The following CYTIP variants were observed in gnomAD, a reference collection of about 807,000 sequenced individuals.
CYTIP encodes cytohesin-interacting protein.
A neutral mutation model predicts 43.8 loss-of-function variants in CYTIP; 26 were observed. That is an observed-to-expected ratio of 0.59 (90% confidence interval 0.44 to 0.82). CYTIP has a LOEUF of 0.82. Among genes scored for constraint, CYTIP ranks in the 40% least tolerant of loss-of-function variants. The pLI is 0.00. For synonymous variants in CYTIP, 162 were observed against 162.9 expected (o/e 0.99, Z 0.04); for missense variants, 426 against 443.1 (o/e 0.96, Z 0.35).
intron 3 of CYTIP, among the ~76,000 whole-genome samples, chr2:157,431,630 A>G (rs905716653): frequency 2.0e-5 from 3 of 152,186 alleles, no homozygotes; most frequent in African/African-American, 7.2e-5. Flanking sequence ...TTTTAATTAT[A>G]CCAAAACACT....
intron 1 of CYTIP, 102 bp from the exon 2 acceptor site, chr2:157,434,849 T>TCTCTCTCTCA (rs1256043480): frequency 2.3e-4 from 11 of 48,670 alleles, no homozygotes; most frequent in South Asian, 5.0e-4. Flanking sequence ...TCTCTCTCTC[T>TCTCTCTCTCA]CACACACACA....
At chr2:157,423,209 T>G (rs1401488175) in intron 6 of CYTIP, among the ~76,000 whole-genome samples, 1 of 151,676 alleles carries the variant, frequency 6.6e-6, no homozygotes. Flanking sequence ...AAGAATATCT[T>G]AAAGCAACCA....
chr2:157,421,513 T>G (rs1685521237), intron 6 of CYTIP, among the ~76,000 whole-genome samples: 2 of 152,222 alleles, frequency 1.3e-5, no homozygotes, highest in South Asian at 4.1e-4. Flanking sequence ...GAATATTCAA[T>G]GTAACAAAAT....
At position 157,434,833 on chromosome 2, in the gene CYTIP, TCTCTCTCTCTCTCTCTCA is replaced by T. The variant is rs1272531020; in HGVS notation, c.175-104_175-87del. The T allele has an allele frequency of 8.6e-6, 4 of 467,824 alleles. No homozygotes were observed. The African/African-American group carries it at 1.0e-4, about 12-fold the overall frequency. The allele number at this position is 467,824 out of a possible 1,614,324, so 29.0% of individuals were successfully genotyped here. On this transcript the variant is annotated intron_variant, in intron 1 of 7. Transcript: ENST00000264192. ...CTAAATCTCTCTCTCTCTCTCTCTC[TCTCTCTCTCTCTCTCTCA>T]CACACACACACACACACACACACAC...
intron 6 of CYTIP, among the ~76,000 whole-genome samples, chr2:157,425,103 A>G (rs1685582446): frequency 6.6e-6 from 1 of 152,188 alleles, no homozygotes; most frequent in African/African-American, 2.4e-5. Context: ...GCTTTAGCAG[A>G]AAATATAGAT....
At chr2:157,434,557 T>C (rs1685775549) in intron 2 of CYTIP, 133 bp from the exon 3 acceptor site, 1 of 890,504 alleles carries the variant, frequency 1.1e-6, no homozygotes, top group Non-Finnish European at 1.8e-6. Flanking sequence ...TGTAAGATTC[T>C]GTGTGTGTGT....
At chr2:157,443,733 G>A (rs1321048888) in intron 1 of CYTIP, 114 bp downstream of exon 1, 7 of 1,128,144 alleles carry the variant, frequency 6.2e-6, no homozygotes, top group Non-Finnish European at 8.6e-6. Flanking sequence ...ATAATAATCA[G>A]CCAGTAATTC....
intron 1 of CYTIP, among the ~76,000 whole-genome samples, chr2:157,441,604 AC>A: frequency 5.7e-3 from 1 of 176 alleles, no homozygotes. Context: ...ATATGCACAT[AC>A]ACACACACAC....
Position 157,444,069 on chromosome 2 carries a change from G to C in CYTIP, c.-49C>G, listed in dbSNP as rs72906487. The C allele has an allele frequency of 0.023, 36,717 of 1,573,642 alleles. 525 individuals are homozygous for C. The highest frequency in any genetic ancestry group is 0.06 in the Middle Eastern group (341 of 5,660). On this transcript the variant is annotated 5_prime_UTR_variant, in exon 1 of 8. The change creates a new upstream start codon in the 5' untranslated region. Transcript: ENST00000264192. ...AGCACATGGTTGAGTGGCCTTGCAG[G>C]ATGGGGGAAGCTAAAAGTACAACTG...
At chr2:157,419,270 G>A (rs1250101552) in intron 6 of CYTIP, among the ~76,000 whole-genome samples, 1 of 152,150 alleles carries the variant, frequency 6.6e-6, no homozygotes, top group Non-Finnish European at 1.5e-5. Context: ...AGGGATTACA[G>A]GCGTGAGGCA....
intron 5 of CYTIP, 76 bp downstream of exon 5, chr2:157,430,483 C>T (rs1210846469): frequency 8.0e-7 from 1 of 1,246,144 alleles, no homozygotes; most frequent in Admixed American, 1.7e-5. Context: ...GAACAAAAGG[C>T]CTATTTATTC....
At chr2:157,437,848 G>C (rs146615918) in intron 1 of CYTIP, among the ~76,000 whole-genome samples, 18 of 152,204 alleles carry the variant, frequency 1.2e-4, no homozygotes, top group Admixed American at 5.2e-4. Context: ...AGTTAGGATA[G>C]CTATGATCAA....
chr2:157,444,053 T>G lies in CYTIP; in HGVS notation c.-33A>C. ...AAAGATCACTCCAGCTAGCACATGG[T>G]TGAGTGGCCTTGCAGGATGGGGGAA... On this transcript the variant is annotated 5_prime_UTR_variant, in exon 1 of 8. Coordinates refer to ENST00000264192, the MANE Select transcript of CYTIP (RefSeq NM_004288.5). 1 of 1,605,194 alleles carries G rather than the reference T, an allele frequency of 6.2e-7. No individual in the cohort carries two copies. The highest frequency in any genetic ancestry group is 8.5e-7 in the Non-Finnish European group (1 of 1,174,690).
chr2:157,424,567 T>G (rs1402746851), intron 6 of CYTIP, among the ~76,000 whole-genome samples: 1 of 152,134 alleles, frequency 6.6e-6, no homozygotes, highest in Non-Finnish European at 1.5e-5. Context: ...GGCTCAAGCC[T>G]GTAATCCCAG....
chr2:157,430,443 G>T, intron 5 of CYTIP, 116 bp downstream of exon 5: 2 of 835,700 alleles, frequency 2.4e-6, no homozygotes, highest in Non-Finnish European at 4.0e-6. Flanking sequence ...TAAAGCTCCG[G>T]TGCACTGCCT....
In CYTIP at chr2:157,421,110, A is replaced by C. The variant is rs555634268; in HGVS notation, c.547-2521T>G. On this transcript the variant is annotated intron_variant, in intron 6 of 7. Coordinates refer to ENST00000264192, the MANE Select transcript of CYTIP (RefSeq NM_004288.5). ...GACTAAGGGTTTTTCAACTGTAACCAAGCTTCCCTATTTTCCTTTGGGTCT... is the reference window on the plus strand; with the variant it reads ...GACTAAGGGTTTTTCAACTGTAACCCAGCTTCCCTATTTTCCTTTGGGTCT... Among the ~76,000 whole-genome samples the C allele has an allele frequency of 5.9e-5, 9 of 152,310 alleles. No individual in the cohort carries two copies. The East Asian group carries it at 1.7e-3, about 29-fold the overall frequency.
At chr2:157,438,010 A>G (rs1457479463) in intron 1 of CYTIP, among the ~76,000 whole-genome samples, 1 of 152,208 alleles carries the variant, frequency 6.6e-6, no homozygotes, top group Non-Finnish European at 1.5e-5. Context: ...TGATCCCGCA[A>G]TCCCACTACT....
rs561029111 is a variant in CYTIP at position 157,416,165 on chromosome 2, G to A, written c.614-22C>T. On this transcript the variant is annotated intron_variant, in intron 7 of 7. Coordinates refer to ENST00000264192, the MANE Select transcript of CYTIP (RefSeq NM_004288.5). ...TCACCTAGAGCACAAAGTCTACTGTGAAATGGATCTGTTCATTACTCCCTA... is the reference window on the plus strand; with the variant it reads ...TCACCTAGAGCACAAAGTCTACTGTAAAATGGATCTGTTCATTACTCCCTA... 54 of 1,565,822 alleles carry A rather than the reference G, an allele frequency of 3.4e-5. No individual in the cohort carries two copies. The South Asian group carries it at 6.1e-4, about 18-fold the overall frequency.
chr2:157,415,049 A>G lies in CYTIP; in HGVS notation c.*628T>C, dbSNP rs1245182043. ...GACTGTCTATAAAAATGACTTTATT[A>G]TGATCTTTGCAGCACCCATCTCAGA... is the stretch of plus-strand genomic sequence containing the variant. On this transcript the variant is annotated 3_prime_UTR_variant, in exon 8 of 8. Coordinates refer to ENST00000264192, the MANE Select transcript of CYTIP (RefSeq NM_004288.5). 6.6e-6 allele frequency: 1 copy of G among 152,220 alleles called. No homozygotes were observed. The highest frequency in any genetic ancestry group is 1.5e-5 in the Non-Finnish European group (1 of 68,052). 9.4% of individuals were successfully genotyped at this position (152,220 alleles called of 1,614,324 possible).
Sources: gnomAD v4.1 joint callset for allele counts (sites outside exome capture counted in the v4.1 genomes callset) on GRCh38, gnomAD v4.1.1 for gene constraint, MANE v1.5 for transcripts, NCBI Gene and HGNC (gene_info 2026-07-23, HGNC 2026-07-21) for gene names.